The following KCNJ12 variants were observed in gnomAD, a reference collection of about 807,000 sequenced individuals.
KCNJ12 encodes potassium inwardly rectifying channel subfamily J member 12.
In KCNJ12, 2 loss-of-function variants were observed where a neutral mutation model predicts 22.3. The observed-to-expected ratio is 0.09, with a 90% confidence interval of 0.04 to 0.28. The LOEUF (loss-of-function observed/expected upper bound fraction) is 0.28. Ranked by LOEUF, KCNJ12 falls within the 10% of genes least tolerant of loss-of-function variation. The probability of loss-of-function intolerance (pLI) is 1.00; values close to 1 mark genes in which losing one functional copy is unlikely to be tolerated. For missense variants in KCNJ12, 155 were observed against 633.3 expected, an observed-to-expected ratio of 0.24 and a Z score of 8.11; for synonymous variants, 117 against 261.4, an observed-to-expected ratio of 0.45 and a Z score of 5.33.
intron 1 of KCNJ12, among the ~76,000 whole-genome samples, chr17:21,377,220 C>T (rs1457294832): frequency 6.6e-6 from 1 of 152,046 alleles, no homozygotes; most frequent in Non-Finnish European, 1.5e-5. Context: ...GCCCTCGGCC[C>T]CCCTCTGACT....
At chr17:21,390,815 G>A (rs1489233363) in intron 1 of KCNJ12, among the ~76,000 whole-genome samples, 2 of 152,128 alleles carry the variant, frequency 1.3e-5, no homozygotes, top group Non-Finnish European at 2.9e-5. Context: ...TTTCTTGAAG[G>A]TGAAATTCAC....
intron 1 of KCNJ12, among the ~76,000 whole-genome samples, chr17:21,391,322 C>T (rs551777873): frequency 3.3e-5 from 5 of 152,296 alleles, no homozygotes; most frequent in South Asian, 2.1e-4. Context: ...GCTGGGCCTG[C>T]GGCAGCCCCG....
chr17:21,417,580 G>C lies in KCNJ12; in HGVS notation c.*936G>C, dbSNP rs1332669725. 1 of 167,428 alleles carries C rather than the reference G, an allele frequency of 6.0e-6. No individual in the cohort carries two copies. The highest frequency in any genetic ancestry group is 2.4e-5 in the African/African-American group (1 of 41,478). 10.4% of individuals were successfully genotyped at this position (167,428 alleles called of 1,614,324 possible). A position where few individuals can be genotyped will look rare whatever the true frequency, so the allele number is the denominator to read the frequency against. ...GGGGTGGTTAGGAGCTATAGGCCGG[G>C]ATGGCTCCTTGGGAAGGGAAGTCGG... On this transcript the variant is annotated 3_prime_UTR_variant, in exon 3 of 3. Transcript: ENST00000583088.
chr17:21,415,679 G>C lies in KCNJ12; in HGVS notation c.337G>C (p.Glu113Gln), dbSNP rs1555562528. The C allele has an allele frequency of 5.6e-6, 9 of 1,613,212 alleles. No homozygotes were observed. Among genetic ancestry groups the C allele is most frequent in the Non-Finnish European group, 7.6e-6 (9 of 1,179,922 alleles). The change falls in exon 3 of 3, where the codon GAG (glutamate) becomes CAG (glutamine). Residue 113 changes from glutamate (E) to glutamine (Q), a missense_variant. Glu to Gln is a conservative substitution (Grantham distance 29). Transcript: ENST00000583088. ...WVIAVAHGDL[E>Q]PAEGRGRTPC... ...CATCGCGGTGGCACACGGTGACCTG[G>C]AGCCGGCTGAGGGCCGGGGCCGCAC...
At chr17:21,407,500 C>T (rs1906026180) in intron 1 of KCNJ12, among the ~76,000 whole-genome samples, 1 of 152,218 alleles carries the variant, frequency 6.6e-6, no homozygotes, top group African/African-American at 2.4e-5. Flanking sequence ...CTCATTCACT[C>T]ACCCATCCAT....
intron 1 of KCNJ12, among the ~76,000 whole-genome samples, chr17:21,402,734 G>A (rs1597570833): frequency 6.6e-6 from 1 of 152,310 alleles, no homozygotes; most frequent in Non-Finnish European, 1.5e-5. Context: ...CCTACAGAGA[G>A]CAGACAGGTT....
intron 2 of KCNJ12, among the ~76,000 whole-genome samples, chr17:21,412,699 G>A (rs1218401531): frequency 2.6e-5 from 4 of 152,308 alleles, no homozygotes; most frequent in Non-Finnish European, 4.4e-5. Context: ...CCGGCCCTGC[G>A]TCCCAGCTCC....
intron 2 of KCNJ12, among the ~76,000 whole-genome samples, chr17:21,411,696 C>T (rs1374911230): frequency 1.1e-4 from 16 of 152,282 alleles, no homozygotes; most frequent in Non-Finnish European, 1.5e-4. Context: ...TTGCTAAGGC[C>T]TCTTCCAGCA....
intron 1 of KCNJ12, among the ~76,000 whole-genome samples, chr17:21,377,362 C>A (rs1555557402): frequency 6.6e-6 from 1 of 152,184 alleles, no homozygotes; most frequent in African/African-American, 2.4e-5. Flanking sequence ...GCTATATGAG[C>A]CGCCCCGAGA....
chr17:21,415,943 G>C lies in KCNJ12; in HGVS notation c.601G>C (p.Val201Leu), dbSNP rs147680561. 6.2e-7 allele frequency: 1 copy of C among 1,609,604 alleles called. No individual in the cohort carries two copies. The highest frequency in any genetic ancestry group is 8.5e-7 in the Non-Finnish European group (1 of 1,178,602). ...GACGCTGCTGTTCAGCCACAACGCC[G>C]TGGTGGCCCTGCGTGACGGCAAGCT... ...AQTLLFSHNA[V>L]VALRDGKLCL... Residue 201 changes from valine (V) to leucine (L), a missense_variant, in exon 3 of 3, where the codon GTG (valine) becomes CTG (leucine). Coordinates refer to ENST00000583088, the MANE Select transcript of KCNJ12 (RefSeq NM_021012.5).
chr17:21,415,033 T>C (rs1906615192), intron 2 of KCNJ12, among the ~76,000 whole-genome samples: 1 of 152,298 alleles, frequency 6.6e-6, no homozygotes, highest in African/African-American at 2.4e-5. Context: ...GGATCCTAAA[T>C]AGACTCTTCA....
chr17:21,391,815 C>G (rs920231423), intron 1 of KCNJ12, among the ~76,000 whole-genome samples: 9 of 152,254 alleles, frequency 5.9e-5, no homozygotes, highest in Non-Finnish European at 1.3e-4. Context: ...TCCCCCCACC[C>G]CAGTCTCCTC....
rs77995600 is a variant in KCNJ12 at position 21,380,046 on chromosome 17, C to T, written c.-179+3133C>T. 5.6e-3 allele frequency among the ~76,000 whole-genome samples: 858 copies of T among 152,264 alleles called. 12 individuals carry two copies. Among genetic ancestry groups the T allele is most frequent in the African/African-American group, 0.019 (806 of 41,544 alleles). ...TGGTGCTTTCCCAGGGACAGAACTG[C>T]ACCTTCCCCCATTCCACAGACACAC... On this transcript the variant is annotated intron_variant, in intron 1 of 2. Coordinates refer to ENST00000583088, the MANE Select transcript of KCNJ12 (RefSeq NM_021012.5).
In KCNJ12 at chr17:21,419,832, T is replaced by G. The variant is rs1907051905; in HGVS notation, c.*3188T>G. On this transcript the variant is annotated 3_prime_UTR_variant, in exon 3 of 3. Coordinates refer to ENST00000583088, the MANE Select transcript of KCNJ12 (RefSeq NM_021012.5). ...TAGCAGTATCTAAAGACGTAGGCGA[T>G]GAGACTAGACCACATTAAATGCATT... 1 of 167,504 alleles carries G rather than the reference T, an allele frequency of 6.0e-6. No individual in the cohort carries two copies. The highest frequency in any genetic ancestry group is 6.5e-5 in the Admixed American group (1 of 15,302). The allele number at this position is 167,504 out of a possible 1,614,324, so 10.4% of individuals were successfully genotyped here.
intron 1 of KCNJ12, among the ~76,000 whole-genome samples, chr17:21,379,623 A>G (rs1452998157): frequency 2.6e-5 from 4 of 152,228 alleles, no homozygotes; most frequent in Admixed American, 1.3e-4. Context: ...TTGGCTGGCC[A>G]CATGGAAGGT....
chr17:21,412,310 A>T (rs1567705821), intron 2 of KCNJ12, among the ~76,000 whole-genome samples: 1 of 152,092 alleles, frequency 6.6e-6, no homozygotes, highest in Non-Finnish European at 1.5e-5. Flanking sequence ...CCTGGCAGAG[A>T]TGCCAGGAGC....
At chr17:21,383,188 C>A (rs1447050325) in intron 1 of KCNJ12, among the ~76,000 whole-genome samples, 1 of 152,184 alleles carries the variant, frequency 6.6e-6, no homozygotes, top group Non-Finnish European at 1.5e-5. Flanking sequence ...GAGGTGTGCC[C>A]TTGCCCCTGC....
At chr17:21,410,075 G>T (rs1906230744) in intron 2 of KCNJ12, among the ~76,000 whole-genome samples, 5 of 152,284 alleles carry the variant, frequency 3.3e-5, no homozygotes. Flanking sequence ...ATCCAGCCAA[G>T]CTTCCTCACT....
rs1226096023 is a variant in KCNJ12 at position 21,401,043 on chromosome 17, TTCCCCCA to T, written c.-178-7473_-178-7467del. 3.9e-4 allele frequency among the ~76,000 whole-genome samples: 60 copies of T among 152,320 alleles called. No homozygotes were observed. In the South Asian group the frequency reaches 5.6e-3, roughly 14 times the overall value. On this transcript the variant is annotated intron_variant, in intron 1 of 2. Coordinates refer to ENST00000583088, the MANE Select transcript of KCNJ12 (RefSeq NM_021012.5). ...TTGAAGGCGGGGAAGTTGATGATTTTTCCCCCATCAAGTTCACAAAGCCCTGGCTTCT... is the reference window on the plus strand; with the variant it reads ...TTGAAGGCGGGGAAGTTGATGATTTTTCAAGTTCACAAAGCCCTGGCTTCT...
Sources: allele counts gnomAD v4.1 joint callset (sites outside exome capture counted in the v4.1 genomes callset), GRCh38; gene constraint gnomAD v4.1.1; transcripts MANE v1.5; gene names NCBI Gene and HGNC (gene_info 2026-07-23, HGNC 2026-07-21).